Variants in MOSMO observed in about 807,000 individuals in gnomAD.
MOSMO encodes the protein modulator of smoothened.
In MOSMO, 5 loss-of-function variants were observed where a neutral mutation model predicts 18.4. The ratio of observed to expected loss-of-function variants is 0.27; its 90% CI spans 0.14 to 0.57. The LOEUF is 0.57. Among genes scored for constraint, MOSMO ranks in the 20% least tolerant of loss-of-function variants. MOSMO has a pLI of 0.92. For synonymous variants in MOSMO, 82 were observed against 82.3 expected, an observed-to-expected ratio of 1.00 and a Z score of 0.02; for missense variants, 138 against 211.8, an observed-to-expected ratio of 0.65 and a Z score of 2.16.
chr16:22,011,699 A>G (rs1024404350), intron 1 of MOSMO, among the ~76,000 whole-genome samples: 1 of 152,166 alleles, frequency 6.6e-6, no homozygotes, highest in Non-Finnish European at 1.5e-5. Flanking sequence ...TTTCCTTGCC[A>G]TCTCAGGATA....
At chr16:22,021,149 A>G (rs1291671939) in intron 1 of MOSMO, among the ~76,000 whole-genome samples, 1 of 152,222 alleles carries the variant, frequency 6.6e-6, no homozygotes, top group African/African-American at 2.4e-5. Context: ...GTTGGATCCA[A>G]TGTTCCTCAT....
chr16:22,018,226 CAGG>C (rs1329866296), intron 1 of MOSMO, among the ~76,000 whole-genome samples: 1 of 151,884 alleles, frequency 6.6e-6, no homozygotes, highest in Non-Finnish European at 1.5e-5. Flanking sequence ...AGAGATTAAA[CAGG>C]AGTAGAAAAA....
intron 1 of MOSMO, among the ~76,000 whole-genome samples, chr16:22,056,844 G>A (rs959579849): frequency 6.6e-6 from 1 of 152,148 alleles, no homozygotes; most frequent in African/African-American, 2.4e-5. Context: ...TGTTAAAAAT[G>A]CATTTCTGAT....
At chr16:22,054,960 G>A (rs1900502253) in intron 1 of MOSMO, among the ~76,000 whole-genome samples, 2 of 150,578 alleles carry the variant, frequency 1.3e-5, no homozygotes, top group Admixed American at 1.3e-4. Context: ...TGTAAAGATA[G>A]GGGTTTTTTT....
chr16:22,077,264 A>T (rs1900988367), intron 2 of MOSMO, among the ~76,000 whole-genome samples: 1 of 152,204 alleles, frequency 6.6e-6, no homozygotes. Flanking sequence ...TGAGCTATAG[A>T]TTCTTATGAC....
intron 1 of MOSMO, among the ~76,000 whole-genome samples, chr16:22,050,286 T>TA (rs367779060): frequency 3.0e-4 from 46 of 152,046 alleles, no homozygotes; most frequent in Non-Finnish European, 5.6e-4. Flanking sequence ...AATATTAAAC[T>TA]AAAAAAAATA....
chr16:22,084,186 G>A lies in MOSMO; in HGVS notation c.*3306G>A, dbSNP rs1405856239. The A allele has an allele frequency of 6.5e-6, 1 of 153,540 alleles. No homozygotes were observed. Among genetic ancestry groups the A allele is most frequent in the East Asian group, 1.9e-4 (1 of 5,218 alleles). The allele number at this position is 153,540 out of a possible 1,614,324, so 9.5% of individuals were successfully genotyped here. ...GAAACTAACTTTGCATATGCTGTTAGCTATTATTTTGCATCATGGGCTTCA... is the reference window on the plus strand; with the variant it reads ...GAAACTAACTTTGCATATGCTGTTAACTATTATTTTGCATCATGGGCTTCA... On this transcript the variant is annotated 3_prime_UTR_variant, in exon 3 of 3. Transcript: ENST00000542527.
intron 1 of MOSMO, among the ~76,000 whole-genome samples, chr16:22,056,558 T>A (rs898273106): frequency 2.1e-4 from 31 of 151,038 alleles, no homozygotes; most frequent in African/African-American, 7.3e-4. Context: ...ATATATATTT[T>A]TTTTTGGTAG....
At chr16:22,042,087 A>G (rs1439126485) in intron 1 of MOSMO, among the ~76,000 whole-genome samples, 1 of 152,186 alleles carries the variant, frequency 6.6e-6, no homozygotes. Flanking sequence ...GAGGGCAAAT[A>G]AGGTTTGCTT....
chr16:22,033,437 G>T (rs534743014), intron 1 of MOSMO, among the ~76,000 whole-genome samples: 1 of 152,034 alleles, frequency 6.6e-6, no homozygotes, highest in Non-Finnish European at 1.5e-5. Flanking sequence ...GCCCAGGCTA[G>T]AGTGCAGTGG....
chr16:22,022,590 G>T (rs987893648), intron 1 of MOSMO, among the ~76,000 whole-genome samples: 3 of 152,156 alleles, frequency 2.0e-5, no homozygotes. Flanking sequence ...TCCTAGGGTA[G>T]ATTTCCCTGA....
rs1190368498 is a variant in MOSMO, at chr16:22,058,440, AAAAG to A, written c.107-17039_107-17036del. Among the ~76,000 whole-genome samples the A allele has an allele frequency of 8.8e-4, 134 of 151,974 alleles. No homozygotes were observed. In the East Asian group the frequency reaches 0.016, roughly 18 times the overall value. On this transcript the variant is annotated intron_variant, in intron 1 of 2. Transcript: ENST00000542527. ...GACTCCGTCTCAAAAAAAAAAAAAA[AAAAG>A]AAAGAAACAATTGCTTTGCAGTATG...
At chr16:22,020,285 A>C (rs1425545209) in intron 1 of MOSMO, among the ~76,000 whole-genome samples, 1 of 143,476 alleles carries the variant, frequency 7.0e-6, no homozygotes, top group African/African-American at 2.6e-5. Flanking sequence ...ATCATTCCTG[A>C]CTTTAATTTT....
At chr16:22,013,624 G>T (rs1899577552) in intron 1 of MOSMO, among the ~76,000 whole-genome samples, 2 of 152,004 alleles carry the variant, frequency 1.3e-5, no homozygotes, top group Non-Finnish European at 2.9e-5. Flanking sequence ...TCACAGCAAG[G>T]ATTTCAGTGA....
Position 22,080,799 on chromosome 16 carries a change from A to G in MOSMO, c.423A>G (p.Ser141=), listed in dbSNP as rs1901064182. The G allele has an allele frequency of 6.7e-7, 1 of 1,491,946 alleles. No individual in the cohort carries two copies. Among genetic ancestry groups the G allele is most frequent in the Non-Finnish European group, 8.9e-7 (1 of 1,127,370 alleles). 92.4% of individuals were successfully genotyped at this position (1,491,946 alleles called of 1,614,324 possible). ...TACCCAACAACACAGTAGTTGGGTC[A>G]TCATATGTACTTTTTGTCTTATCAA... ...YKLPNNTVVG[S]SYVLFVLSIF... The change falls in exon 3 of 3, where the codon TCA becomes TCG. Residue 141 remains serine (S), a synonymous_variant. Coordinates refer to ENST00000542527, the MANE Select transcript of MOSMO (RefSeq NM_001164579.2).
intron 1 of MOSMO, among the ~76,000 whole-genome samples, chr16:22,068,321 T>C (rs147872382): frequency 1.7e-3 from 261 of 152,350 alleles, no homozygotes; most frequent in African/African-American, 5.8e-3. Context: ...ATTTAAATGA[T>C]TGTTGGATTT....
At chr16:22,049,426 T>C (rs1419296645) in intron 1 of MOSMO, among the ~76,000 whole-genome samples, 1 of 152,168 alleles carries the variant, frequency 6.6e-6, no homozygotes, top group Non-Finnish European at 1.5e-5. Context: ...AGGCTGGTGG[T>C]TTTCATTTCT....
intron 1 of MOSMO, among the ~76,000 whole-genome samples, chr16:22,041,456 A>G (rs2142003224): frequency 6.6e-6 from 1 of 152,306 alleles, no homozygotes; most frequent in African/African-American, 2.4e-5. Context: ...AGAGCAGGAC[A>G]TTTTTAAACA....
intron 1 of MOSMO, among the ~76,000 whole-genome samples, chr16:22,030,866 T>C (rs1488805888): frequency 3.9e-5 from 6 of 152,220 alleles, no homozygotes; most frequent in African/African-American, 1.4e-4. Context: ...TCTTCTGAGC[T>C]GACAAATGAT....
Sources: allele counts gnomAD v4.1 joint callset (sites outside exome capture counted in the v4.1 genomes callset), GRCh38; gene constraint gnomAD v4.1.1; transcripts MANE v1.5; gene names NCBI Gene and HGNC (gene_info 2026-07-23, HGNC 2026-07-21).